Variants in SLU7 observed in about 807,000 individuals in gnomAD.
The protein encoded by SLU7 is spliceosome associated SLU7, also known as pre-mRNA-splicing factor SLU7.
Under a neutral mutation model 87.0 loss-of-function variants are expected in SLU7, and 60 were observed. The observed-to-expected ratio is 0.69, with a 90% CI of 0.56 to 0.86. The LOEUF is 0.86. Among genes scored for constraint, SLU7 ranks in the 40% least tolerant of loss-of-function variants. SLU7 has a pLI of 0.00. For synonymous variants in SLU7, 197 were observed against 222.0 expected (o/e 0.89, Z 1.00); for missense variants, 507 against 686.6 (o/e 0.74, Z 2.92).
chr5:160,414,552 T>C (rs745354416), intron 2 of SLU7, 80 bp from the exon 3 acceptor site: 3 of 916,910 alleles, frequency 3.3e-6, no homozygotes, highest in African/African-American at 3.5e-5. Flanking sequence ...AGGTAGCTTA[T>C]ACAAAATCTA....
In SLU7 at chr5:160,407,940, T is replaced by A. The variant is rs374064789; in HGVS notation, c.917+31A>T. On this transcript the variant is annotated intron_variant, in intron 9 of 15. Transcript: ENST00000297151. The surrounding 1 kb of genome is among the most constrained non-coding windows in gnomAD (Gnocchi z 4.2). The stretch of plus-strand genomic sequence containing the variant: ...AGAAAACAATTAACTTTCTCTCATC[T>A]TAAAATCTGTACATTTAACTTGATA... 1.1e-4 allele frequency: 172 copies of A among 1,539,394 alleles called. No individual in the cohort carries two copies. In the Middle Eastern group the frequency reaches 1.2e-3, roughly 11 times the overall value.
intron 12 of SLU7, among the ~76,000 whole-genome samples, chr5:160,405,475 G>A (rs1371495678): frequency 2.0e-5 from 3 of 152,190 alleles, no homozygotes; most frequent in Admixed American, 6.5e-5. Context: ...ATTAGATAGG[G>A]CTTGTGTTCT....
rs1262842808 is a variant in SLU7 at position 160,406,743 on chromosome 5, G to A, written c.1126-114C>T. 9.1e-6 allele frequency: 8 copies of A among 881,296 alleles called. No homozygotes were observed. In the Admixed American group the frequency reaches 2.4e-4, roughly 27 times the overall value. 54.6% of individuals were successfully genotyped at this position (881,296 alleles called of 1,614,324 possible). A position where few individuals can be genotyped will look rare whatever the true frequency, so the allele number is the denominator to read the frequency against. ...AAGGGAACATTCTTTACTGGGTTTT[G>A]TTATAGAAAGCACAGTAGGAAAAAA... On this transcript the variant is annotated intron_variant, in intron 11 of 15. Coordinates refer to ENST00000297151, the MANE Select transcript of SLU7 (RefSeq NM_006425.5).
At position 160,414,487 on chromosome 5, in the gene SLU7, A is replaced by T. The variant is rs750975418; in HGVS notation, c.171-15T>A. The stretch of plus-strand genomic sequence containing the variant: ...GGTTGATGTCTCTGTAATTAAAGTA[A>T]AAAAAAAAAAAATTTAAGGATAAAA... On this transcript the variant is annotated splice_polypyrimidine_tract_variant and intron_variant, in intron 2 of 15. Transcript: ENST00000297151. The T allele has an allele frequency of 2.3e-3, 2,898 of 1,253,488 alleles. 1 individual carries two copies. The highest frequency in any genetic ancestry group is 3.9e-3 in the Middle Eastern group (19 of 4,824). 77.6% of individuals were successfully genotyped at this position (1,253,488 alleles called of 1,614,324 possible). A position where few individuals can be genotyped will look rare whatever the true frequency, so the allele number is the denominator to read the frequency against.
At position 160,412,522 on chromosome 5, in the gene SLU7, T is replaced by TAAAAAAAAA; in HGVS notation, c.571-4_571-3insTTTTTTTTT. ...TGGGCTTTCAATGTTCGTTTTGCCT[T>TAAAAAAAAA]TAAAAAAAAAAAAAAGAAAGAAAGA... On this transcript the variant is annotated splice_polypyrimidine_tract_variant and splice_region_variant and intron_variant, in intron 5 of 15. Coordinates refer to ENST00000297151, the MANE Select transcript of SLU7 (RefSeq NM_006425.5). 1 of 587,750 alleles carries TAAAAAAAAA rather than the reference T, an allele frequency of 1.7e-6. No homozygotes were observed. The highest frequency in any genetic ancestry group is 2.3e-6 in the Non-Finnish European group (1 of 430,848). 36.4% of individuals were successfully genotyped at this position (587,750 alleles called of 1,614,324 possible).
At chr5:160,411,463 C>A (rs1765238755) in intron 6 of SLU7, among the ~76,000 whole-genome samples, 1 of 152,204 alleles carries the variant, frequency 6.6e-6, no homozygotes, top group Non-Finnish European at 1.5e-5. Flanking sequence ...AGATGATCCA[C>A]CTGCCTCGGC....
chr5:160,413,565 T>A lies in SLU7; in HGVS notation c.461A>T (p.His154Leu). Residue 154 changes from histidine (H) to leucine (L), a missense_variant, in exon 5 of 16, where the codon CAT (histidine) becomes CTT (leucine). By Grantham distance (99) the His-to-Leu change is moderately conservative. Coordinates refer to ENST00000297151, the MANE Select transcript of SLU7 (RefSeq NM_006425.5). ...FTGTNIAPDEHVQPQLMFDYD... is the reference protein window; with the variant it reads ...FTGTNIAPDELVQPQLMFDYD... ...GTCAAACATCAGTTGAGGCTGGACA[T>A]GTTCATCTGGAGCTATATTAGTACC... The A allele has an allele frequency of 6.2e-7, 1 of 1,614,008 alleles. No homozygotes were observed. The highest frequency in any genetic ancestry group is 1.1e-5 in the South Asian group (1 of 91,084).
chr5:160,410,040 G>C (rs1319566073), intron 6 of SLU7, among the ~76,000 whole-genome samples: 2 of 152,078 alleles, frequency 1.3e-5, no homozygotes, highest in Non-Finnish European at 2.9e-5. Context: ...TATAAATATA[G>C]ACAGAAAACA....
intron 15 of SLU7, among the ~76,000 whole-genome samples, chr5:160,403,956 A>G (rs1049385855): frequency 1.3e-5 from 2 of 152,216 alleles, no homozygotes; most frequent in Non-Finnish European, 2.9e-5. Context: ...ACACCTCACA[A>G]TATCTCCATT....
Position 160,407,340 on chromosome 5 carries a change from GA to G in SLU7, c.1125+135del. On this transcript the variant is annotated intron_variant, in intron 11 of 15. Transcript: ENST00000297151. The surrounding 1 kb of genome is among the most constrained non-coding windows in gnomAD (Gnocchi z 4.2). ...ATACAAAATTACCATCTGACTAAGA[GA>G]AAGGAAGAAAAGGACTATTCTTCAT... 1.4e-6 allele frequency: 1 copy of G among 727,742 alleles called. No homozygotes were observed. The highest frequency in any genetic ancestry group is 2.8e-5 in the East Asian group (1 of 35,850). 45.1% of individuals were successfully genotyped at this position (727,742 alleles called of 1,614,324 possible). A position where few individuals can be genotyped will look rare whatever the true frequency, so the allele number is the denominator to read the frequency against.
chr5:160,417,784 T>C (rs1419898019), intron 1 of SLU7, among the ~76,000 whole-genome samples: 1 of 98,938 alleles, frequency 1.0e-5, no homozygotes, highest in African/African-American at 3.8e-5. Context: ...AGAGCTAGAC[T>C]ACGTCTCAAA....
At chr5:160,414,911 G>A (rs187391180) in intron 2 of SLU7, among the ~76,000 whole-genome samples, 1 of 152,136 alleles carries the variant, frequency 6.6e-6, no homozygotes, top group African/African-American at 2.4e-5. Context: ...AGCAGGCCAG[G>A]GGTGGGAACG....
intron 11 of SLU7, 29 bp from the exon 12 acceptor site, chr5:160,406,658 C>T (rs779586749): frequency 2.7e-6 from 4 of 1,494,648 alleles, no homozygotes; most frequent in Middle Eastern, 1.7e-4. Context: ...TTATTCAATA[C>T]ATTTTACAAC....
chr5:160,403,118 G>A lies in SLU7; in HGVS notation c.*167C>T, dbSNP rs932580374. The A allele has an allele frequency of 2.4e-6, 1 of 416,020 alleles. No individual in the cohort carries two copies. 25.8% of individuals were successfully genotyped at this position (416,020 alleles called of 1,614,324 possible). On this transcript the variant is annotated 3_prime_UTR_variant, in exon 16 of 16. Coordinates refer to ENST00000297151, the MANE Select transcript of SLU7 (RefSeq NM_006425.5). ...TTCATGTGCCTCTTCTTCTTTTCTT[G>A]TTTCCTCAGTATGGAAAGGAGTGAA...
At chr5:160,406,345 A>AC in intron 12 of SLU7, 123 bp downstream of exon 12, 1 of 745,368 alleles carries the variant, frequency 1.3e-6, no homozygotes, top group South Asian at 3.3e-5. Context: ...TGAAACAGTT[A>AC]AAATTTTTTT....
intron 6 of SLU7, among the ~76,000 whole-genome samples, chr5:160,409,121 T>C (rs1378372268): frequency 6.6e-6 from 1 of 152,020 alleles, no homozygotes. Context: ...TTTCTAAATG[T>C]GTTAGTCTTC....
Position 160,408,690 on chromosome 5 carries a change from G to A in SLU7, c.647C>T (p.Pro216Leu). The A allele has an allele frequency of 1.3e-6, 2 of 1,552,444 alleles. No individual in the cohort carries two copies. Among genetic ancestry groups the A allele is most frequent in the South Asian group, 1.2e-5 (1 of 83,368 alleles). Residue 216 changes from proline to leucine, a missense_variant, in exon 7 of 16, where the codon CCA becomes CTA. Pro to Leu is a moderately conservative substitution (Grantham distance 98). This residue lies in a region of SLU7 where 155 missense variants were observed against 154.4 expected (regional missense o/e 1.00). Coordinates refer to ENST00000297151, the MANE Select transcript of SLU7 (RefSeq NM_006425.5). ...SGKLVEQANS[P>L]KHQWGEEEPN... ...TTCCTCTTCTCCCCACTGGTGTTTT[G>A]GAGAATTCTGCATCATGAAAGAAGA...
chr5:160,417,398 AC>A (rs755715152), intron 1 of SLU7, among the ~76,000 whole-genome samples: 4 of 152,226 alleles, frequency 2.6e-5, no homozygotes, highest in East Asian at 1.9e-4. Context: ...TAGAAAAAAA[AC>A]AACTCTGTCT....
At chr5:160,417,954 T>C (rs574179275) in intron 1 of SLU7, among the ~76,000 whole-genome samples, 27 of 152,144 alleles carry the variant, frequency 1.8e-4, no homozygotes, top group Non-Finnish European at 3.8e-4. Flanking sequence ...ACTAACTACA[T>C]AGACCTTCTT....
Sources: gnomAD v4.1 joint callset for allele counts (sites outside exome capture counted in the v4.1 genomes callset) on GRCh38, gnomAD v4.1.1 for gene constraint, gnomAD v4.1.1 regional missense constraint, Gnocchi (gnomAD v3.1) non-coding constraint, MANE v1.5 for transcripts, NCBI Gene and HGNC (gene_info 2026-07-23, HGNC 2026-07-21) for gene names.